The following VPS13B variants were observed in gnomAD, a reference collection of about 807,000 sequenced individuals.
The protein encoded by VPS13B is vacuolar protein sorting 13 homolog B.
A neutral mutation model predicts 426.4 loss-of-function variants in VPS13B; 285 were observed. That is an observed-to-expected ratio of 0.67 (90% CI 0.61 to 0.74). The LOEUF is 0.74. VPS13B is among the 30% of genes least tolerant of loss of function. VPS13B has a pLI of 0.00. For missense variants in VPS13B, 4,537 were observed against 4,782.6 expected (o/e 0.95, Z 1.51); for synonymous variants, 1,676 against 1,676.4 (o/e 1.00, Z 0.01).
rs977673317 is a variant in VPS13B at position 99,853,363 on chromosome 8, T to C, written c.10062-88T>C. ...GAATCTGATGTCCCATCAGGAGGTATTTAATAGGGTACTGTCAATAAAAAA... is the reference window on the plus strand; with the variant it reads ...GAATCTGATGTCCCATCAGGAGGTACTTAATAGGGTACTGTCAATAAAAAA... On this transcript the variant is annotated intron_variant, in intron 55 of 61. Coordinates refer to ENST00000357162, the MANE Select transcript of VPS13B (RefSeq NM_152564.5). 4 of 1,377,306 alleles carry C rather than the reference T, an allele frequency of 2.9e-6. No homozygotes were observed. The African/African-American group carries it at 5.7e-5, about 20-fold the overall frequency. 85.3% of individuals were successfully genotyped at this position (1,377,306 alleles called of 1,614,324 possible).
chr8:99,754,711 T>C (rs1810554539), intron 39 of VPS13B, among the ~76,000 whole-genome samples: 1 of 152,212 alleles, frequency 6.6e-6, no homozygotes, highest in Admixed American at 6.5e-5. Flanking sequence ...ACTTTTCTCT[T>C]TGGGGAATAT....
chr8:99,738,625 A>T (rs972667946), intron 39 of VPS13B, among the ~76,000 whole-genome samples: 2 of 152,236 alleles, frequency 1.3e-5, no homozygotes, highest in African/African-American at 4.8e-5. Flanking sequence ...CTCCTTCTAC[A>T]CATACAACCT....
chr8:99,300,580 C>T (rs1365514502), intron 19 of VPS13B, among the ~76,000 whole-genome samples: 1 of 152,138 alleles, frequency 6.6e-6, no homozygotes, highest in Admixed American at 6.6e-5. Flanking sequence ...TACAGGTTTC[C>T]ACGTCCTTAC....
chr8:99,832,341 ATTT>A (rs370235149), intron 51 of VPS13B, 25 bp from the exon 52 acceptor site: 3,812 of 1,186,876 alleles, frequency 3.2e-3, no homozygotes, highest in East Asian at 9.0e-3. Context: ...TGCTCTCTGC[ATTT>A]TTTTTTTTTT....
intron 30 of VPS13B, among the ~76,000 whole-genome samples, chr8:99,521,744 C>G (rs1822387671): frequency 6.6e-6 from 1 of 152,174 alleles, no homozygotes; most frequent in Non-Finnish European, 1.5e-5. Flanking sequence ...TAGTCTCACT[C>G]TTCTAAAAAA....
At chr8:99,519,029 A>G (rs570598083) in intron 29 of VPS13B, among the ~76,000 whole-genome samples, 5 of 152,206 alleles carry the variant, frequency 3.3e-5, no homozygotes, top group Non-Finnish European at 7.3e-5. Flanking sequence ...TTTTTTAAAC[A>G]GGGTTTATAC....
chr8:99,397,664 GC>G (rs772863600), intron 21 of VPS13B, among the ~76,000 whole-genome samples: 26 of 152,176 alleles, frequency 1.7e-4, no homozygotes, highest in Non-Finnish European at 3.2e-4. Context: ...AGATCAGGAA[GC>G]TTTTTATTCT....
At chr8:99,032,984 GTTA>G (rs1185297082) in intron 2 of VPS13B, among the ~76,000 whole-genome samples, 5 of 152,156 alleles carry the variant, frequency 3.3e-5, no homozygotes, top group Non-Finnish European at 7.4e-5. Context: ...TGCTTGTGCT[GTTA>G]TTGTCACATA....
At chr8:99,589,603 C>G (rs567169018) in intron 33 of VPS13B, among the ~76,000 whole-genome samples, 1 of 151,642 alleles carries the variant, frequency 6.6e-6, no homozygotes, top group Non-Finnish European at 1.5e-5. Context: ...TCCAGTCTAT[C>G]GTTTTTGGAC....
intron 19 of VPS13B, among the ~76,000 whole-genome samples, chr8:99,299,197 G>A (rs1260586356): frequency 6.6e-6 from 1 of 151,508 alleles, no homozygotes; most frequent in Non-Finnish European, 1.5e-5. Context: ...GAGTAGCTGG[G>A]ATTACAGGCC....
intron 19 of VPS13B, among the ~76,000 whole-genome samples, chr8:99,322,886 G>A (rs183700146): frequency 6.6e-6 from 1 of 152,308 alleles, no homozygotes; most frequent in East Asian, 1.9e-4. Flanking sequence ...TCTTTCTGAT[G>A]TGTGTTATCT....
chr8:99,717,507 TCAA>T, intron 37 of VPS13B, 134 bp downstream of exon 37: 1 of 824,810 alleles, frequency 1.2e-6, no homozygotes, highest in Admixed American at 2.1e-5. Flanking sequence ...TGTTAAATTT[TCAA>T]CAACTTTATT....
chr8:99,196,463 A>AG (rs1375254780), intron 17 of VPS13B, among the ~76,000 whole-genome samples: 1 of 142,790 alleles, frequency 7.0e-6, no homozygotes, highest in African/African-American at 2.6e-5. Flanking sequence ...TGGAGTCTTT[A>AG]GGGGTTTTTT....
intron 17 of VPS13B, among the ~76,000 whole-genome samples, chr8:99,223,269 A>C (rs1476203179): frequency 6.6e-6 from 1 of 152,188 alleles, no homozygotes; most frequent in Non-Finnish European, 1.5e-5. Context: ...TAGTGGAATA[A>C]AAGTTTGCTT....
chr8:99,487,586 C>T (rs1274030404), intron 25 of VPS13B, among the ~76,000 whole-genome samples: 1 of 152,136 alleles, frequency 6.6e-6, no homozygotes, highest in African/African-American at 2.4e-5. Flanking sequence ...TCTCTATCCC[C>T]ATCGAACAAC....
chr8:99,061,296 C>CTTTTTT (rs36037937), intron 3 of VPS13B, among the ~76,000 whole-genome samples: 2 of 112,928 alleles, frequency 1.8e-5, no homozygotes, highest in African/African-American at 7.0e-5. Context: ...TGCTAATTTT[C>CTTTTTT]TTTTTTTTTT....
intron 35 of VPS13B, among the ~76,000 whole-genome samples, chr8:99,689,439 A>G (rs1296098760): frequency 6.6e-6 from 1 of 152,218 alleles, no homozygotes; most frequent in East Asian, 1.9e-4. Flanking sequence ...AGGATATTCC[A>G]AAAGTAATGA....
chr8:99,310,341 T>C (rs1477456320), intron 19 of VPS13B, among the ~76,000 whole-genome samples: 1 of 152,234 alleles, frequency 6.6e-6, no homozygotes, highest in Admixed American at 6.5e-5. Flanking sequence ...GCTGTTATTA[T>C]TTTGAGATAC....
chr8:99,129,684 AG>A (rs1296333454), intron 8 of VPS13B, among the ~76,000 whole-genome samples: 1 of 152,130 alleles, frequency 6.6e-6, no homozygotes, highest in African/African-American at 2.4e-5. Context: ...AGGGAAGTCA[AG>A]GATTACAAGT....
Sources: allele counts gnomAD v4.1 joint callset (sites outside exome capture counted in the v4.1 genomes callset), GRCh38; gene constraint gnomAD v4.1.1; transcripts MANE v1.5; gene names NCBI Gene and HGNC (gene_info 2026-07-23, HGNC 2026-07-21).